PMFBP1: variants seen among roughly 807,000 people sequenced by gnomAD.
PMFBP1 encodes the protein polyamine modulated factor 1 binding protein 1.
PMFBP1 carries 131 observed loss-of-function variants against 137.8 expected under a neutral mutation model. The observed-to-expected ratio is 0.95, with a 90% CI of 0.82 to 1.10. PMFBP1 has a LOEUF of 1.10. PMFBP1 is among the 50% of genes least tolerant of loss of function. The probability of loss-of-function intolerance (pLI) is 0.00; values close to 1 mark genes in which losing one functional copy is unlikely to be tolerated. For missense variants in PMFBP1, 1,199 were observed against 1,175.4 expected, an observed-to-expected ratio of 1.02 and a Z score of -0.29; for synonymous variants, 490 against 450.4, an observed-to-expected ratio of 1.09 and a Z score of -1.11.
At chr16:72,189,649 G>GA in the PMFBP1 span, among the ~76,000 whole-genome samples, 4 of 152,222 alleles carry the variant, frequency 2.6e-5, no homozygotes, top group African/African-American at 7.2e-5. Flanking sequence ...TTCTTTTGGA[G>GA]ATTAGGAGCC....
At chr16:72,249,914 C>T in the PMFBP1 span, among the ~76,000 whole-genome samples, 1 of 104,202 alleles carries the variant, frequency 9.6e-6, no homozygotes, top group Admixed American at 1.2e-4. Flanking sequence ...CAGCGAGACT[C>T]CATCGCAAAA....
At chr16:72,152,789 G>C (rs568141967) in intron 4 of PMFBP1, among the ~76,000 whole-genome samples, 11 of 146,262 alleles carry the variant, frequency 7.5e-5, no homozygotes, top group Admixed American at 6.4e-4. Flanking sequence ...AGGTTGCAGA[G>C]AGCCAAGATC....
intron 3 of PMFBP1, chr16:72,164,363 A>G (rs2043111441): frequency 7.9e-7 from 1 of 1,265,734 alleles, no homozygotes; most frequent in African/African-American, 1.5e-5. Context: ...CCCAATGGAC[A>G]CTGATACCTT....
At chr16:72,165,175 CCT>C (rs1480495321) in intron 2 of PMFBP1, among the ~76,000 whole-genome samples, 1 of 152,152 alleles carries the variant, frequency 6.6e-6, no homozygotes, top group African/African-American at 2.4e-5. Context: ...AGACAATTCC[CCT>C]GTTTTTCAAG....
the PMFBP1 span, among the ~76,000 whole-genome samples, chr16:72,206,192 T>C: frequency 6.6e-6 from 1 of 152,132 alleles, no homozygotes; most frequent in South Asian, 2.1e-4. Flanking sequence ...GCTGTGAGCC[T>C]TGGGCAAATT....
chr16:72,133,053 G>A, intron 9 of PMFBP1, 62 bp from the exon 10 acceptor site: 2 of 1,582,282 alleles, frequency 1.3e-6, no homozygotes, highest in South Asian at 1.2e-5. Flanking sequence ...AAGGCAATGA[G>A]AGGTTGTCTC....
At chr16:72,140,659 T>A (rs190522025) in intron 5 of PMFBP1, 77 bp from the exon 6 acceptor site, 1 of 1,302,440 alleles carries the variant, frequency 7.7e-7, no homozygotes, top group Admixed American at 1.9e-5. Flanking sequence ...ACATGGAAAA[T>A]CTCTAGACCT....
the PMFBP1 span, among the ~76,000 whole-genome samples, chr16:72,183,767 C>T: frequency 6.6e-6 from 1 of 152,066 alleles, no homozygotes; most frequent in East Asian, 1.9e-4. Context: ...CCTCTCCTGC[C>T]CTCCTCCAGC....
the PMFBP1 span, among the ~76,000 whole-genome samples, chr16:72,188,239 C>T: frequency 2.6e-4 from 39 of 152,128 alleles, no homozygotes; most frequent in Non-Finnish European, 5.1e-4. Context: ...AAGTTATATG[C>T]TCGATTGGGC....
chr16:72,194,896 C>T, the PMFBP1 span, among the ~76,000 whole-genome samples: 1 of 152,212 alleles, frequency 6.6e-6, no homozygotes, highest in Non-Finnish European at 1.5e-5. Flanking sequence ...CTGGCTTACA[C>T]TAGTTAATGG....
chr16:72,211,852 C>T, the PMFBP1 span, among the ~76,000 whole-genome samples: 2 of 151,962 alleles, frequency 1.3e-5, no homozygotes, highest in Admixed American at 6.6e-5. Context: ...AAAAAATTAG[C>T]TGGGTATGGT....
intron 4 of PMFBP1, among the ~76,000 whole-genome samples, chr16:72,151,967 A>G (rs2042908735): frequency 6.6e-6 from 1 of 152,054 alleles, no homozygotes; most frequent in South Asian, 2.1e-4. Context: ...GACTGGGGGT[A>G]TGTTGGTGGG....
At chr16:72,243,409 G>C in the PMFBP1 span, among the ~76,000 whole-genome samples, 1 of 152,162 alleles carries the variant, frequency 6.6e-6, no homozygotes, top group African/African-American at 2.4e-5. Context: ...ACCATGCAGG[G>C]ATCTCTGGAA....
intron 18 of PMFBP1, 117 bp downstream of exon 18, chr16:72,123,429 G>A: frequency 1.2e-6 from 1 of 839,408 alleles, no homozygotes; most frequent in Non-Finnish European, 1.9e-6. Flanking sequence ...TGTGGGCTGA[G>A]ACTGGATCTG....
At chr16:72,144,728 A>G (rs1233600476) in intron 5 of PMFBP1, among the ~76,000 whole-genome samples, 1 of 152,216 alleles carries the variant, frequency 6.6e-6, no homozygotes, top group African/African-American at 2.4e-5. Flanking sequence ...AGCAAGACAT[A>G]AAACCTAGAA....
chr16:72,201,865 C>T, the PMFBP1 span, among the ~76,000 whole-genome samples: 3 of 152,182 alleles, frequency 2.0e-5, no homozygotes, highest in African/African-American at 2.4e-5. Context: ...ACAAATTCCA[C>T]GAGGCCTTCA....
chr16:72,133,083 T>A, intron 9 of PMFBP1, 92 bp from the exon 10 acceptor site: 1 of 1,484,968 alleles, frequency 6.7e-7, no homozygotes, highest in Non-Finnish European at 9.2e-7. Context: ...TCCAAGCCAC[T>A]GGCATCCCCT....
chr16:72,130,585 G>C lies in PMFBP1; in HGVS notation c.1585C>G (p.Gln529Glu), dbSNP rs2042535146. ...ATCGAGGACTCCTTCTGCAGCATCT[G>C]AAGTTCTCTCTGTAGTTCCTGGATG... Reference protein sequence around the residue: ...DTIQELQRELQMLQKESSMAE... With the variant: ...DTIQELQRELEMLQKESSMAE... The change falls in exon 11 of 21, where the codon CAG (glutamine) becomes GAG (glutamate). Residue 529 changes from glutamine (Q) to glutamate (E), a missense_variant. Physicochemically the swap from Gln to Glu is conservative, Grantham distance 29. Transcript: ENST00000237353. 4.3e-6 allele frequency: 7 copies of C among 1,613,950 alleles called. No homozygotes were observed. The highest frequency in any genetic ancestry group is 5.9e-6 in the Non-Finnish European group (7 of 1,180,018).
chr16:72,128,292 C>T, intron 14 of PMFBP1: 1 of 986,166 alleles, frequency 1.0e-6, no homozygotes, highest in African/African-American at 1.7e-5. Context: ...AATAACTGTC[C>T]CCCCTTTCAT....
Sources: allele counts gnomAD v4.1 joint callset (sites outside exome capture counted in the v4.1 genomes callset), GRCh38; gene constraint gnomAD v4.1.1; transcripts MANE v1.5; gene names NCBI Gene and HGNC (gene_info 2026-07-23, HGNC 2026-07-21).